Variants in ZNF385B observed in about 807,000 individuals in gnomAD.
The protein encoded by ZNF385B is zinc finger protein 533.
A neutral mutation model predicts 39.2 loss-of-function variants in ZNF385B; 23 were observed. That is an observed-to-expected ratio of 0.59 (90% CI 0.42 to 0.83). ZNF385B has a LOEUF of 0.83. Ranked by LOEUF, ZNF385B falls within the 40% of genes least tolerant of loss-of-function variation. The pLI is 0.00. For missense variants in ZNF385B, 552 were observed against 598.9 expected (o/e 0.92, Z 0.82); for synonymous variants, 205 against 222.6 (o/e 0.92, Z 0.70).
At chr2:179,845,344 G>A (rs1464235066) in intron 1 of ZNF385B, among the ~76,000 whole-genome samples, 2 of 152,128 alleles carry the variant, frequency 1.3e-5, no homozygotes, top group Non-Finnish European at 2.9e-5. Context: ...AAGAACCAGT[G>A]ATATACAATG....
intron 3 of ZNF385B, among the ~76,000 whole-genome samples, chr2:179,607,245 C>T (rs1688881642): frequency 6.6e-6 from 1 of 152,100 alleles, no homozygotes; most frequent in South Asian, 2.1e-4. Flanking sequence ...TCTGTGTCCC[C>T]ACCCAAATCC....
chr2:179,500,125 A>T (rs537743560), intron 5 of ZNF385B, among the ~76,000 whole-genome samples: 1 of 152,224 alleles, frequency 6.6e-6, no homozygotes, highest in African/African-American at 2.4e-5. Context: ...GATGAAAAAA[A>T]TTGAAGAGGA....
chr2:179,706,779 G>A (rs1699634023), intron 3 of ZNF385B, among the ~76,000 whole-genome samples: 1 of 152,228 alleles, frequency 6.6e-6, no homozygotes, highest in Admixed American at 6.5e-5. Context: ...TGCAGCATAG[G>A]TGGGGATTGG....
intron 5 of ZNF385B, among the ~76,000 whole-genome samples, chr2:179,493,041 A>C (rs1298439771): frequency 1.3e-5 from 2 of 152,156 alleles, no homozygotes. Context: ...AAAATCTAAA[A>C]TATTTTAATA....
At chr2:179,456,240 G>A (rs138064047) in intron 6 of ZNF385B, among the ~76,000 whole-genome samples, 180 of 152,264 alleles carry the variant, frequency 1.2e-3, no homozygotes, top group African/African-American at 4.0e-3. Flanking sequence ...GACAAAGATC[G>A]TGTACATTTC....
intron 1 of ZNF385B, among the ~76,000 whole-genome samples, chr2:179,820,256 T>C (rs1362799027): frequency 6.6e-6 from 1 of 152,156 alleles, no homozygotes; most frequent in Non-Finnish European, 1.5e-5. Context: ...AACACGTAGA[T>C]TTCATTACTT....
At chr2:179,693,515 C>A (rs1229862213) in intron 3 of ZNF385B, among the ~76,000 whole-genome samples, 1 of 152,102 alleles carries the variant, frequency 6.6e-6, no homozygotes, top group Non-Finnish European at 1.5e-5. Flanking sequence ...TGAATTATTT[C>A]TGACACAGAA....
intron 3 of ZNF385B, among the ~76,000 whole-genome samples, chr2:179,705,662 T>C (rs1699536651): frequency 1.3e-5 from 2 of 152,210 alleles, no homozygotes; most frequent in Non-Finnish European, 2.9e-5. Flanking sequence ...TTCTTTGACC[T>C]CAGTAAGAGA....
At chr2:179,855,840 A>C (rs1318259860) in intron 1 of ZNF385B, among the ~76,000 whole-genome samples, 10 of 152,224 alleles carry the variant, frequency 6.6e-5, no homozygotes. Flanking sequence ...CTCCAGGGTC[A>C]TTATCCTATA....
At chr2:179,850,470 C>G (rs901316403) in intron 1 of ZNF385B, among the ~76,000 whole-genome samples, 3 of 152,186 alleles carry the variant, frequency 2.0e-5, no homozygotes, top group African/African-American at 7.2e-5. Context: ...TGATCCCACC[C>G]ACTGAATCTG....
chr2:179,860,767 T>C (rs897582353), intron 1 of ZNF385B: 2 of 460,392 alleles, frequency 4.3e-6, no homozygotes, highest in Non-Finnish European at 9.0e-6. Context: ...CGGGGCACTC[T>C]CCTCGTCCTT....
chr2:179,449,008 G>T (rs10173211), intron 6 of ZNF385B, among the ~76,000 whole-genome samples: 46,534 of 151,908 alleles, frequency 0.31, 7,545 homozygotes, highest in African/African-American at 0.4. Context: ...TTAAGAAAAA[G>T]ATTTCCTTTT....
intron 3 of ZNF385B, among the ~76,000 whole-genome samples, chr2:179,571,242 G>A (rs1685180247): frequency 6.6e-6 from 1 of 152,268 alleles, no homozygotes; most frequent in Admixed American, 6.5e-5. Flanking sequence ...GGAAGAAATT[G>A]AGGTTCTGAG....
chr2:179,724,164 C>G (rs1287681081), intron 3 of ZNF385B, among the ~76,000 whole-genome samples: 1 of 152,010 alleles, frequency 6.6e-6, no homozygotes, highest in Non-Finnish European at 1.5e-5. Context: ...CAAAAATTCA[C>G]CGGGCATGGT....
chr2:179,820,418 ATTGT>A (rs1477336583), intron 1 of ZNF385B, among the ~76,000 whole-genome samples: 2 of 151,628 alleles, frequency 1.3e-5, no homozygotes, highest in Non-Finnish European at 2.9e-5. Flanking sequence ...TGTTCATATC[ATTGT>A]TTGATTTTAA....
chr2:179,626,774 C>CCT (rs1387896538), intron 3 of ZNF385B, among the ~76,000 whole-genome samples: 1 of 152,034 alleles, frequency 6.6e-6, no homozygotes, highest in African/African-American at 2.4e-5. Flanking sequence ...AAGACCCAAC[C>CCT]CTCTTTCATG....
intron 3 of ZNF385B, among the ~76,000 whole-genome samples, chr2:179,644,692 C>G (rs926692520): frequency 1.3e-5 from 2 of 152,114 alleles, no homozygotes; most frequent in Non-Finnish European, 2.9e-5. Flanking sequence ...AGGACTGGGA[C>G]GTTAGACTAA....
chr2:179,703,998 C>T (rs1699403036), intron 3 of ZNF385B, among the ~76,000 whole-genome samples: 1 of 152,100 alleles, frequency 6.6e-6, no homozygotes, highest in Non-Finnish European at 1.5e-5. Flanking sequence ...AATTTAATCC[C>T]AAAAGTCACA....
In ZNF385B at chr2:179,544,938, A is replaced by G; in HGVS notation, c.330T>C (p.Ala110=). The change falls in exon 4 of 10, where the codon GCT becomes GCC. Residue 110 remains alanine (A), a synonymous_variant. Coordinates refer to ENST00000410066, the MANE Select transcript of ZNF385B (RefSeq NM_152520.6). ...GSTCHTTTLP[A]LVRTPTLMMQ... is the part of the protein sequence containing the mutation. ...TCATCAGGGTAGGTGTGCGCACAAGAGCAGGAAGGGTAGTAGTGTGGCATG... is the reference window on the plus strand; with the variant it reads ...TCATCAGGGTAGGTGTGCGCACAAGGGCAGGAAGGGTAGTAGTGTGGCATG... 6.2e-7 allele frequency: 1 copy of G among 1,614,058 alleles called. No homozygotes were observed. Among genetic ancestry groups the G allele is most frequent in the Non-Finnish European group, 8.5e-7 (1 of 1,179,916 alleles).
Sources: gnomAD v4.1 joint callset for allele counts (sites outside exome capture counted in the v4.1 genomes callset) on GRCh38, gnomAD v4.1.1 for gene constraint, MANE v1.5 for transcripts, NCBI Gene and HGNC (gene_info 2026-07-23, HGNC 2026-07-21) for gene names.